Variants in REXO5 observed in about 807,000 individuals in gnomAD.
REXO5 encodes the protein RNA exonuclease 5.
A neutral mutation model predicts 88.5 loss-of-function variants in REXO5; 48 were observed. The ratio of observed to expected loss-of-function variants is 0.54; its 90% CI spans 0.43 to 0.69. The LOEUF is 0.69. Ranked by LOEUF, REXO5 falls within the 30% of genes least tolerant of loss-of-function variation. REXO5 has a pLI of 0.00. For missense variants in REXO5, 749 were observed against 912.2 expected (o/e 0.82, Z 2.30); for synonymous variants, 311 against 336.5 (o/e 0.92, Z 0.83).
Position 20,844,637 on chromosome 16 carries a change from G to A in REXO5, c.1728G>A (p.Arg576=), listed in dbSNP as rs150481773. The A allele has an allele frequency of 1.4e-5, 22 of 1,613,952 alleles. No homozygotes were observed. The African/African-American group carries it at 1.6e-4, about 12-fold the overall frequency. ...LVDGICIKVQ[R]PVTELTLDCD... is the part of the protein sequence containing the mutation. ...CAACTTTCCTTGGTTAGGTGCAGAG[G>A]CCTGTGACAGAGCTCACGCTTGATT... is the stretch of plus-strand genomic sequence containing the variant. The change falls in exon 17 of 20, where the codon AGG becomes AGA. Residue 576 remains arginine, a synonymous_variant. Coordinates refer to ENST00000261377, the MANE Select transcript of REXO5 (RefSeq NM_030941.3).
intron 11 of REXO5, among the ~76,000 whole-genome samples, chr16:20,830,723 G>A (rs900729954): frequency 6.6e-6 from 1 of 152,086 alleles, no homozygotes; most frequent in African/African-American, 2.4e-5. Context: ...AATGCAGAGA[G>A]TTTGCCAAGT....
At chr16:20,840,555 G>A (rs1043961128) in intron 15 of REXO5, 87 bp downstream of exon 15, 49 of 1,211,786 alleles carry the variant, frequency 4.0e-5, no homozygotes, top group Middle Eastern at 2.5e-4. Context: ...GCAAATATTC[G>A]TAAAGTAAGC....
intron 13 of REXO5, among the ~76,000 whole-genome samples, chr16:20,834,176 G>A (rs2081388963): frequency 6.6e-6 from 1 of 152,086 alleles, no homozygotes; most frequent in Non-Finnish European, 1.5e-5. Context: ...AAATTTCTTG[G>A]GGTGTTGCAT....
chr16:20,837,321 C>A (rs977090977), intron 13 of REXO5, among the ~76,000 whole-genome samples: 5 of 152,148 alleles, frequency 3.3e-5, no homozygotes, highest in Non-Finnish European at 7.3e-5. Context: ...CATTCCAAGT[C>A]ACTTTTTATT....
At chr16:20,825,758 T>A in intron 7 of REXO5, 75 bp from the exon 8 acceptor site, 1 of 1,034,382 alleles carries the variant, frequency 9.7e-7, no homozygotes, top group Middle Eastern at 2.1e-4. Context: ...TAGATGGCAG[T>A]TGACATAGTG....
rs1189526798 is a variant in REXO5, at chr16:20,824,456, A to G, written c.634A>G (p.Asn212Asp). 1.2e-6 allele frequency: 2 copies of G among 1,607,888 alleles called. No homozygotes were observed. The highest frequency in any genetic ancestry group is 8.5e-7 in the Non-Finnish European group (1 of 1,175,210). Reference protein sequence around the residue: ...FPLQGFPDCENFLLTKCNGSI... With the variant: ...FPLQGFPDCEDFLLTKCNGSI... ...TCTCCTAGGTTTTCCTGATTGTGAAAACTTTTTACTTACCAAATGTAATGG... is the reference window on the plus strand; with the variant it reads ...TCTCCTAGGTTTTCCTGATTGTGAAGACTTTTTACTTACCAAATGTAATGG... Residue 212 changes from asparagine to aspartate, a missense_variant, in exon 7 of 20, where the codon AAC (asparagine) becomes GAC (aspartate). By Grantham distance (23) the Asn-to-Asp change is conservative. Coordinates refer to ENST00000261377, the MANE Select transcript of REXO5 (RefSeq NM_030941.3).
chr16:20,806,799 G>C, intron 1 of REXO5, 94 bp downstream of exon 1: 1 of 1,272,968 alleles, frequency 7.9e-7, no homozygotes, highest in African/African-American at 1.5e-5. Context: ...CGCTTTTTTA[G>C]GGGAACGGGG....
At position 20,849,572 on chromosome 16, in the gene REXO5, C is replaced by A; in HGVS notation, c.*92C>A. 2 of 1,146,456 alleles carry A rather than the reference C, an allele frequency of 1.7e-6. No individual in the cohort carries two copies. Among genetic ancestry groups the A allele is most frequent in the Non-Finnish European group, 2.6e-6 (2 of 764,048 alleles). 71.0% of individuals were successfully genotyped at this position (1,146,456 alleles called of 1,614,324 possible). ...GGCTGTAGCCTCCCCAACCAGCAGA[C>A]AGCTTTATGGAAACTTGGTATAGCA... On this transcript the variant is annotated 3_prime_UTR_variant, in exon 20 of 20. Coordinates refer to ENST00000261377, the MANE Select transcript of REXO5 (RefSeq NM_030941.3).
At chr16:20,844,311 C>G (rs2152512752) in intron 16 of REXO5, among the ~76,000 whole-genome samples, 1 of 152,148 alleles carries the variant, frequency 6.6e-6, no homozygotes, top group East Asian at 1.9e-4. Context: ...TTGTGGTTAC[C>G]CTTTTCTTCA....
At chr16:20,823,086 ATGAAGTGG>A (rs2081209776) in intron 6 of REXO5, among the ~76,000 whole-genome samples, 1 of 152,174 alleles carries the variant, frequency 6.6e-6, no homozygotes, top group African/African-American at 2.4e-5. Context: ...CCTAGTGGGT[ATGAAGTGG>A]TGTCTCATTG....
At chr16:20,820,149 A>G (rs577927705) in intron 5 of REXO5, among the ~76,000 whole-genome samples, 5 of 152,234 alleles carry the variant, frequency 3.3e-5, no homozygotes, top group Admixed American at 3.3e-4. Context: ...GTGGCTCCCC[A>G]TTACGTATTG....
rs548649976 is a variant in REXO5, at chr16:20,832,128, A to G, written c.1159-28A>G. On this transcript the variant is annotated intron_variant, in intron 11 of 19. Coordinates refer to ENST00000261377, the MANE Select transcript of REXO5 (RefSeq NM_030941.3). ...AGCATCAAATGCTCTGCAAGCAATT[A>G]TATTTTTACCACTTTGTTTTCTTCA... 6.9e-6 allele frequency: 10 copies of G among 1,448,652 alleles called. No individual in the cohort carries two copies. In the Admixed American group the frequency reaches 1.9e-4, roughly 28 times the overall value. The allele number at this position is 1,448,652 out of a possible 1,614,324, so 89.7% of individuals were successfully genotyped here.
chr16:20,820,544 A>ATTT (rs869068102), intron 5 of REXO5, among the ~76,000 whole-genome samples: 1 of 13,272 alleles, frequency 7.5e-5, no homozygotes, highest in African/African-American at 2.8e-4. Flanking sequence ...ATATATATAT[A>ATTT]TTTTTTTTTT....
chr16:20,814,428 G>A (rs958254971), intron 3 of REXO5, among the ~76,000 whole-genome samples: 2 of 152,044 alleles, frequency 1.3e-5, no homozygotes, highest in Admixed American at 6.6e-5. Context: ...TTTTAGTAGA[G>A]ATGGGGTTTC....
intron 11 of REXO5, among the ~76,000 whole-genome samples, chr16:20,829,954 T>C (rs1489036638): frequency 6.6e-6 from 1 of 152,232 alleles, no homozygotes; most frequent in Non-Finnish European, 1.5e-5. Flanking sequence ...GCTGTGGTAC[T>C]GCAAGAGCAG....
At chr16:20,820,385 G>T (rs1488433350) in intron 5 of REXO5, among the ~76,000 whole-genome samples, 5 of 151,206 alleles carry the variant, frequency 3.3e-5, no homozygotes, top group Non-Finnish European at 7.4e-5. Context: ...TTTGAAGAAG[G>T]ATGTATGTGG....
In REXO5 at chr16:20,824,424, T is replaced by A; in HGVS notation, c.617-15T>A. The A allele has an allele frequency of 6.7e-7, 1 of 1,482,678 alleles. No homozygotes were observed. Among genetic ancestry groups the A allele is most frequent in the East Asian group, 2.3e-5 (1 of 44,180 alleles). 91.8% of individuals were successfully genotyped at this position (1,482,678 alleles called of 1,614,324 possible). ...TCTATTCTAAAGGCAAACATTTTCT[T>A]CCTTTTTCTCCTAGGTTTTCCTGAT... is the stretch of plus-strand genomic sequence containing the variant. On this transcript the variant is annotated splice_polypyrimidine_tract_variant and intron_variant, in intron 6 of 19. Coordinates refer to ENST00000261377, the MANE Select transcript of REXO5 (RefSeq NM_030941.3).
chr16:20,821,789 C>A lies in REXO5; in HGVS notation c.503C>A (p.Ala168Asp), dbSNP rs144683226. Residue 168 changes from alanine (A) to aspartate (D), a missense_variant, in exon 6 of 20, where the codon GCC becomes GAC. By Grantham distance (126) the Ala-to-Asp change is moderately radical (BLOSUM62 -2). Coordinates refer to ENST00000261377, the MANE Select transcript of REXO5 (RefSeq NM_030941.3). Reference protein sequence around the residue: ...EGPLPSNAKAAINLQDDPIIQ... With the variant: ...EGPLPSNAKADINLQDDPIIQ... Reference sequence around the variant, plus strand: ...CCTTTACCTTCTAATGCAAAAGCCGCCATCAACCTTCAGGATGATCCCATC... The same window carrying A: ...CCTTTACCTTCTAATGCAAAAGCCGACATCAACCTTCAGGATGATCCCATC... The A allele has an allele frequency of 1.3e-6, 2 of 1,595,986 alleles. No homozygotes were observed. Among genetic ancestry groups the A allele is most frequent in the East Asian group, 4.5e-5 (2 of 44,560 alleles).
At chr16:20,840,244 TTGG>T (rs1304548895) in intron 14 of REXO5, 84 bp from the exon 15 acceptor site, 1 of 1,185,604 alleles carries the variant, frequency 8.4e-7, no homozygotes, top group Non-Finnish European at 1.1e-6. Context: ...AAAAAAATCT[TTGG>T]TGAATAATCC....
Sources: allele counts gnomAD v4.1 joint callset (sites outside exome capture counted in the v4.1 genomes callset), GRCh38; gene constraint gnomAD v4.1.1; transcripts MANE v1.5; gene names NCBI Gene and HGNC (gene_info 2026-07-23, HGNC 2026-07-21).